The following EDA variants were observed in gnomAD, a reference collection of about 807,000 sequenced individuals.
EDA encodes ectodysplasin A, also known as ectodysplasin-A.
A neutral mutation model predicts 23.6 loss-of-function variants in EDA; 2 were observed. The ratio of observed to expected loss-of-function variants is 0.08; its 90% CI spans 0.03 to 0.27. The LOEUF (loss-of-function observed/expected upper bound fraction) is 0.27, where lower values mean the gene tolerates loss of function less well. EDA is among the 10% of genes least tolerant of loss of function. The pLI is 1.00. For synonymous variants in EDA, 131 were observed against 132.0 expected (o/e 0.99, Z 0.05); for missense variants, 229 against 324.2 (o/e 0.71, Z 2.26).
At chrX:69,699,858 C>T (rs1041564228) in intron 1 of EDA, among the ~76,000 whole-genome samples, 1 of 110,150 alleles carries the variant, frequency 9.1e-6, no homozygotes, top group Non-Finnish European at 1.9e-5. Context: ...TTTAAAGGCT[C>T]ATGGAGAGGG....
At chrX:69,854,070 G>A (rs960387008) in intron 1 of EDA, among the ~76,000 whole-genome samples, 3 of 111,286 alleles carry the variant, frequency 2.7e-5, no homozygotes, top group African/African-American at 9.8e-5. Flanking sequence ...TGTCATGGGG[G>A]TTTATTATAT....
rs768588700 is a variant in EDA, at chrX:70,036,681, T to C, written c.*1072T>C. On this transcript the variant is annotated 3_prime_UTR_variant, in exon 8 of 8. Coordinates refer to ENST00000374552, the MANE Select transcript of EDA (RefSeq NM_001399.5). ...GTGACTCTTAGCCCTCACCACAGCC[T>C]TCTAAATTCCCAAATCCTAGACTGC... 3.5e-5 allele frequency: 4 copies of C among 112,999 alleles called. No homozygotes were observed. The highest frequency in any genetic ancestry group is 1.3e-4 in the African/African-American group (4 of 31,196). The allele number at this position is 112,999 out of a possible 1,213,427, so 9.3% of individuals were successfully genotyped here. A position where few individuals can be genotyped will look rare whatever the true frequency, so the allele number is the denominator to read the frequency against.
intron 1 of EDA, among the ~76,000 whole-genome samples, chrX:69,822,786 C>T (rs900180192): frequency 2.8e-5 from 3 of 107,674 alleles, no homozygotes; most frequent in African/African-American, 6.8e-5. Context: ...CATGCTGGTG[C>T]GCTGCACCCA....
At chrX:69,899,757 C>T (rs1185379763) in intron 1 of EDA, among the ~76,000 whole-genome samples, 2 of 111,353 alleles carry the variant, frequency 1.8e-5, no homozygotes, top group Non-Finnish European at 3.8e-5. Context: ...AAATTGTTCT[C>T]TATTTTATAA....
chrX:69,958,517 C>CA (rs34031076), intron 2 of EDA, among the ~76,000 whole-genome samples: 36 of 87,240 alleles, frequency 4.1e-4, no homozygotes, highest in East Asian at 2.4e-3. Flanking sequence ...ATAATAATAC[C>CA]AAAAAAAAAA....
At position 70,039,137 on chromosome X, in the gene EDA, G is replaced by A. The variant is rs1327340253; in HGVS notation, c.*3528G>A. 2 of 112,749 alleles carry A rather than the reference G, an allele frequency of 1.8e-5. No individual in the cohort carries two copies. Among genetic ancestry groups the A allele is most frequent in the Non-Finnish European group, 3.8e-5 (2 of 53,300 alleles). 9.3% of individuals were successfully genotyped at this position (112,749 alleles called of 1,213,427 possible). On this transcript the variant is annotated 3_prime_UTR_variant, in exon 8 of 8. Transcript: ENST00000374552. ...AGTGCCAGCAAGTCCTTAGGCTACT[G>A]TAATGCTGCCTCAGGACCCATCCCT... is the stretch of plus-strand genomic sequence containing the variant.
At chrX:70,018,605 A>G (rs1241026323) in intron 2 of EDA, among the ~76,000 whole-genome samples, 1 of 112,200 alleles carries the variant, frequency 8.9e-6, no homozygotes, top group Non-Finnish European at 1.9e-5. Flanking sequence ...TATTCAATAA[A>G]TGGTGCTGGG....
intron 1 of EDA, among the ~76,000 whole-genome samples, chrX:69,762,825 G>T (rs1283439212): frequency 1.8e-5 from 2 of 111,657 alleles, no homozygotes; most frequent in Non-Finnish European, 3.8e-5. Context: ...AAAACTCTTG[G>T]TCTTTCAGAT....
chrX:69,937,423 T>G lies in EDA; in HGVS notation c.397-19604T>G, dbSNP rs1602548145. ...TCTTTGAGATGTTTGCAGCTCTTCA[T>G]GAGGTACTTCACATCATAAATGACA... On this transcript the variant is annotated intron_variant, in intron 1 of 7. Coordinates refer to ENST00000374552, the MANE Select transcript of EDA (RefSeq NM_001399.5). 6.7e-6 allele frequency: 5 copies of G among 750,634 alleles called. No individual in the cohort carries two copies. In the East Asian group the frequency reaches 1.6e-4, roughly 24 times the overall value. 61.9% of individuals were successfully genotyped at this position (750,634 alleles called of 1,213,427 possible).
In EDA at chrX:69,950,956, G is replaced by T. The variant is rs1455607435; in HGVS notation, c.397-6071G>T. Among the ~76,000 whole-genome samples, 34 of 75,659 alleles carry T rather than the reference G, an allele frequency of 4.5e-4. 1 individual carries two copies. The South Asian group carries it at 0.016, about 35-fold the overall frequency. The allele number at this position is 75,659 out of a possible 115,157, so 65.7% of individuals were successfully genotyped here. A position where few individuals can be genotyped will look rare whatever the true frequency, so the allele number is the denominator to read the frequency against. ...GGGCCTGTTGTGGGGTGGGGGGAGG[G>T]GGGAGGGATAGCATTGGGAGATATA... On this transcript the variant is annotated intron_variant, in intron 1 of 7. Transcript: ENST00000374552.
At chrX:70,029,754 A>T (rs1220286485) in intron 5 of EDA, among the ~76,000 whole-genome samples, 1 of 112,487 alleles carries the variant, frequency 8.9e-6, no homozygotes, top group African/African-American at 3.2e-5. Flanking sequence ...TCTTGCCAGG[A>T]TCATTTTTCC....
chrX:69,838,659 G>A (rs2016832128), intron 1 of EDA, among the ~76,000 whole-genome samples: 1 of 112,305 alleles, frequency 8.9e-6, no homozygotes, highest in African/African-American at 3.2e-5. Flanking sequence ...ATAAACATCT[G>A]GAATTCATGC....
rs1440766733 is a variant in EDA at position 69,765,180 on chromosome X, G to A, written c.396+148476G>A. Among the ~76,000 whole-genome samples the A allele has an allele frequency of 8.0e-5, 9 of 111,825 alleles. 1 individual carries two copies. The Admixed American group carries it at 8.5e-4, about 11-fold the overall frequency. On this transcript the variant is annotated intron_variant, in intron 1 of 7. Coordinates refer to ENST00000374552, the MANE Select transcript of EDA (RefSeq NM_001399.5). ...TATGAGAGAATGTAGCAACAGTGGT[G>A]GACCTAAGAAGAGAATTGGCTTACC...
intron 1 of EDA, among the ~76,000 whole-genome samples, chrX:69,907,601 TA>T (rs1005345500): frequency 7.3e-5 from 8 of 109,970 alleles, no homozygotes; most frequent in Non-Finnish European, 5.7e-5. Flanking sequence ...CAGAGCCTTG[TA>T]AAAAAAAATG....
intron 1 of EDA, among the ~76,000 whole-genome samples, chrX:69,630,881 G>A (rs1932547522): frequency 9.0e-6 from 1 of 111,294 alleles, no homozygotes; most frequent in Admixed American, 9.6e-5. Context: ...GTTGTAGAGG[G>A]ATAACTGGAT....
intron 1 of EDA, among the ~76,000 whole-genome samples, chrX:69,943,442 G>T (rs1031698096): frequency 9.0e-6 from 1 of 111,590 alleles, no homozygotes; most frequent in African/African-American, 3.3e-5. Context: ...GGTACCACCT[G>T]GTGGTCATGG....
intron 2 of EDA, among the ~76,000 whole-genome samples, chrX:69,993,632 C>T (rs1046118089): frequency 1.8e-5 from 2 of 111,973 alleles, no homozygotes; most frequent in African/African-American, 3.2e-5. Flanking sequence ...AAGGAAAGCT[C>T]ACAGCCCTGA....
chrX:69,726,520 G>A (rs1230897925), intron 1 of EDA, among the ~76,000 whole-genome samples: 1 of 112,625 alleles, frequency 8.9e-6, no homozygotes, highest in Admixed American at 9.4e-5. Context: ...ATATCATCCA[G>A]TGCTCCTCTA....
intron 1 of EDA, among the ~76,000 whole-genome samples, chrX:69,655,088 G>A (rs1933259034): frequency 8.9e-6 from 1 of 112,085 alleles, no homozygotes; most frequent in African/African-American, 3.2e-5. Flanking sequence ...CTAAATGCTA[G>A]AGATAGAATA....
Sources: allele counts gnomAD v4.1 joint callset (sites outside exome capture counted in the v4.1 genomes callset), GRCh38; gene constraint gnomAD v4.1.1; transcripts MANE v1.5; gene names NCBI Gene and HGNC (gene_info 2026-07-23, HGNC 2026-07-21).